Variants in WWOX observed in about 807,000 individuals in gnomAD.
The protein encoded by WWOX is WW domain-containing oxidoreductase.
A neutral mutation model predicts 46.2 loss-of-function variants in WWOX; 69 were observed. The observed-to-expected ratio is 1.49, with a 90% CI of 1.23 to 1.82. The LOEUF (loss-of-function observed/expected upper bound fraction) is 1.82, where lower values mean the gene tolerates loss of function less well. Among genes scored for constraint, WWOX ranks in the 40% most tolerant of loss-of-function variants. WWOX has a pLI of 0.00. For synonymous variants in WWOX, 359 were observed against 202.6 expected, an observed-to-expected ratio of 1.77 and a Z score of -6.56; for missense variants, 919 against 542.6, an observed-to-expected ratio of 1.69 and a Z score of -6.89.
intron 8 of WWOX, among the ~76,000 whole-genome samples, chr16:78,459,756 G>T (rs577741846): frequency 1.2e-4 from 19 of 152,282 alleles, no homozygotes; most frequent in African/African-American, 4.6e-4. Context: ...TCAGCCTGAA[G>T]GCCTACTTGA....
intron 8 of WWOX, among the ~76,000 whole-genome samples, chr16:78,908,873 A>T (rs1295933367): frequency 2.6e-5 from 4 of 152,210 alleles, no homozygotes; most frequent in Non-Finnish European, 4.4e-5. Flanking sequence ...CCATAGTGAC[A>T]TTATCCCCTG....
At chr16:79,194,278 C>G (rs1174607410) in intron 8 of WWOX, among the ~76,000 whole-genome samples, 1 of 152,088 alleles carries the variant, frequency 6.6e-6, no homozygotes, top group African/African-American at 2.4e-5. Context: ...TATATTTTTC[C>G]TTTGGCCTTC....
intron 8 of WWOX, among the ~76,000 whole-genome samples, chr16:78,979,124 T>C (rs1391492426): frequency 2.0e-5 from 3 of 150,520 alleles, no homozygotes; most frequent in Non-Finnish European, 2.9e-5. Flanking sequence ...AGGAAGTATA[T>C]ATTTTCCTCT....
chr16:78,870,775 G>C (rs779565593), intron 8 of WWOX, among the ~76,000 whole-genome samples: 6 of 152,090 alleles, frequency 3.9e-5, no homozygotes, highest in Non-Finnish European at 7.4e-5. Context: ...CTAAATTTTT[G>C]TATTTTAGTA....
intron 8 of WWOX, among the ~76,000 whole-genome samples, chr16:78,620,725 G>C (rs181344577): frequency 2.0e-5 from 3 of 152,102 alleles, no homozygotes; most frequent in East Asian, 1.9e-4. Flanking sequence ...CGATGGGTTA[G>C]CAAAATGCAT....
In WWOX at chr16:79,142,098, T is replaced by C. The variant is rs112756073; in HGVS notation, c.1057-69510T>C. 6.4e-3 allele frequency among the ~76,000 whole-genome samples: 968 copies of C among 152,320 alleles called. 9 individuals carry two copies. The highest frequency in any genetic ancestry group is 0.022 in the African/African-American group (911 of 41,564). The stretch of plus-strand genomic sequence containing the variant: ...CTTCTCCATCTCCTGCCCTTACTTC[T>C]TCCTGCCTGTCATTTATTTATTCTT... On this transcript the variant is annotated intron_variant, in intron 8 of 8. Transcript: ENST00000566780.
intron 8 of WWOX, among the ~76,000 whole-genome samples, chr16:78,511,291 T>C (rs2085354534): frequency 6.6e-6 from 1 of 152,230 alleles, no homozygotes; most frequent in African/African-American, 2.4e-5. Flanking sequence ...GTCAAGCCTT[T>C]TAGCGGAGTT....
chr16:78,877,994 T>C (rs1055707815), intron 8 of WWOX, among the ~76,000 whole-genome samples: 6 of 152,190 alleles, frequency 3.9e-5, no homozygotes, highest in Admixed American at 2.6e-4. Context: ...GATGATTTTG[T>C]TTTTATAGGC....
intron 8 of WWOX, among the ~76,000 whole-genome samples, chr16:79,066,248 A>G (rs967668633): frequency 2.6e-5 from 4 of 151,978 alleles, no homozygotes; most frequent in African/African-American, 9.7e-5. Flanking sequence ...CCCACCTTCC[A>G]TACCTCCTCT....
intron 5 of WWOX, among the ~76,000 whole-genome samples, chr16:78,369,406 A>G (rs950010956): frequency 2.6e-5 from 4 of 152,204 alleles, no homozygotes; most frequent in Non-Finnish European, 5.9e-5. Flanking sequence ...AAGTTAGTGG[A>G]AGACTTATTC....
chr16:78,347,814 C>A lies in WWOX; in HGVS notation c.517-39046C>A, dbSNP rs1186721556. The stretch of plus-strand genomic sequence containing the variant: ...TCTAACCTCTGGCCTTTTTTCTTAT[C>A]TCTACTTAAAGCTTTTCTGGAAGGA... On this transcript the variant is annotated intron_variant, in intron 5 of 8. Coordinates refer to ENST00000566780, the MANE Select transcript of WWOX (RefSeq NM_016373.4). 3.3e-5 allele frequency among the ~76,000 whole-genome samples: 4 copies of A among 121,496 alleles called. 2 individuals are homozygous for A. 79.7% of individuals were successfully genotyped at this position (121,496 alleles called of 152,430 possible).
intron 8 of WWOX, among the ~76,000 whole-genome samples, chr16:78,767,033 A>G (rs1257393007): frequency 1.3e-5 from 2 of 151,946 alleles, no homozygotes; most frequent in Admixed American, 6.5e-5. Flanking sequence ...AGCATATATC[A>G]AAATTTCTTT....
intron 8 of WWOX, among the ~76,000 whole-genome samples, chr16:78,686,520 A>T (rs1225479790): frequency 6.6e-6 from 1 of 151,960 alleles, no homozygotes; most frequent in Admixed American, 6.6e-5. Flanking sequence ...CAAAAAAAAA[A>T]AAGAAATCTG....
intron 8 of WWOX, among the ~76,000 whole-genome samples, chr16:78,932,562 C>T (rs373234029): frequency 6.6e-6 from 1 of 152,206 alleles, no homozygotes; most frequent in African/African-American, 2.4e-5. Context: ...AAATGCTGTC[C>T]TCGAAATGTT....
intron 8 of WWOX, among the ~76,000 whole-genome samples, chr16:78,790,551 A>G (rs1409898259): frequency 2.0e-5 from 3 of 152,216 alleles, no homozygotes; most frequent in Non-Finnish European, 4.4e-5. Flanking sequence ...ACTACCGTGG[A>G]CAACCCTATT....
intron 8 of WWOX, among the ~76,000 whole-genome samples, chr16:78,826,997 A>AT (rs1025863555): frequency 6.6e-6 from 1 of 152,130 alleles, no homozygotes; most frequent in African/African-American, 2.4e-5. Flanking sequence ...CCGGGTTTAG[A>AT]TTATTTCCTC....
chr16:78,816,187 C>G (rs891474628), intron 8 of WWOX, among the ~76,000 whole-genome samples: 1 of 152,170 alleles, frequency 6.6e-6, no homozygotes, highest in African/African-American at 2.4e-5. Flanking sequence ...CTGATAAACC[C>G]TCTGATAAAG....
intron 8 of WWOX, among the ~76,000 whole-genome samples, chr16:78,874,784 A>G (rs541802426): frequency 2.2e-5 from 3 of 139,458 alleles, no homozygotes; most frequent in Non-Finnish European, 4.5e-5. Context: ...ATAACCTCCT[A>G]CACAGGCCTT....
chr16:78,331,167 C>G (rs543115624), intron 5 of WWOX, among the ~76,000 whole-genome samples: 1 of 152,114 alleles, frequency 6.6e-6, no homozygotes, highest in Non-Finnish European at 1.5e-5. Context: ...TAATTTGGAA[C>G]GGCTTTTTGT....
Sources: gnomAD v4.1 joint callset for allele counts (sites outside exome capture counted in the v4.1 genomes callset) on GRCh38, gnomAD v4.1.1 for gene constraint, MANE v1.5 for transcripts, NCBI Gene and HGNC (gene_info 2026-07-23, HGNC 2026-07-21) for gene names.